The following PEX26 variants were observed in gnomAD, a reference collection of about 807,000 sequenced individuals.
PEX26 encodes peroxisomal biogenesis factor 26, also known as peroxisome assembly protein 26.
PEX26 carries 18 observed loss-of-function variants against 31.4 expected under a neutral mutation model. The ratio of observed to expected loss-of-function variants is 0.57; its 90% CI spans 0.40 to 0.85. The LOEUF (loss-of-function observed/expected upper bound fraction) is 0.85, where lower values mean the gene tolerates loss of function less well. PEX26 is among the 40% of genes least tolerant of loss of function. The pLI, the probability that PEX26 is intolerant of heterozygous loss-of-function variation, is 0.00. For missense variants in PEX26, 377 were observed against 383.9 expected (o/e 0.98, Z 0.15); for synonymous variants, 176 against 166.9 (o/e 1.05, Z -0.42).
intron 2 of PEX26, among the ~76,000 whole-genome samples, chr22:18,080,735 A>G (rs1926540459): frequency 1.3e-5 from 2 of 152,214 alleles, no homozygotes; most frequent in African/African-American, 4.8e-5. Flanking sequence ...AAATCAGGGT[A>G]GTTAGCATAT....
intron 1 of PEX26, chr22:18,078,853 A>G (rs1452442608): frequency 1.5e-6 from 1 of 680,230 alleles, no homozygotes; most frequent in African/African-American, 1.8e-5. Context: ...GTACAATGAC[A>G]TGATGGGAAG....
At chr22:18,079,740 A>T in intron 1 of PEX26, 134 bp from the exon 2 acceptor site, 1 of 1,026,154 alleles carries the variant, frequency 9.7e-7, no homozygotes. Context: ...TGTGAAGCCC[A>T]TCTAAATACT....
rs1049567901 is a variant in PEX26, at chr22:18,092,741, G to C, written c.*4666G>C. 7.1e-6 allele frequency: 1 copy of C among 141,332 alleles called. No homozygotes were observed. The highest frequency in any genetic ancestry group is 7.4e-5 in the Admixed American group (1 of 13,480). 8.8% of individuals were successfully genotyped at this position (141,332 alleles called of 1,614,324 possible). ...TCACACCTATAATCCCAGCACTTTG[G>C]GAGGCCAGAGTGGGAGGATTGCTTG... is the stretch of plus-strand genomic sequence containing the variant. On this transcript the variant is annotated 3_prime_UTR_variant, in exon 5 of 5. Coordinates refer to ENST00000399744, the MANE Select transcript of PEX26 (RefSeq NM_001127649.3).
At position 18,085,129 on chromosome 22, in the gene PEX26, T is replaced by C. The variant is rs1331262454; in HGVS notation, c.685T>C (p.Phe229Leu). 3 of 1,613,998 alleles carry C rather than the reference T, an allele frequency of 1.9e-6. No homozygotes were observed. In the Admixed American group the frequency reaches 5.0e-5, roughly 27 times the overall value. The change falls in exon 4 of 5, where the codon TTC becomes CTC. Residue 229 changes from phenylalanine (F) to leucine (L), a missense_variant. Phe to Leu is a conservative substitution (Grantham distance 22). Transcript: ENST00000399744. ...CTGGCCAGGCTCTGTCTCCCACAAG[T>C]TCCTGTCACTACCGATGTTGGTTCG... The part of the protein sequence containing the change: ...PNLEGSVSHK[F>L]LSLPMLVRQL...
At position 18,101,542 on chromosome 22, in the gene PEX26, T is replaced by C. The variant is rs1457585653; in HGVS notation, c.*13467T>C. 6.2e-6 allele frequency: 1 copy of C among 161,566 alleles called. No individual in the cohort carries two copies. Among genetic ancestry groups the C allele is most frequent in the African/African-American group, 2.4e-5 (1 of 41,656 alleles). 10.0% of individuals were successfully genotyped at this position (161,566 alleles called of 1,614,324 possible). ...GAGGCTGGAGCACTGCTGCAGAAAG[T>C]GATCTCTTACTCATACTTCAAGACA... On this transcript the variant is annotated 3_prime_UTR_variant, in exon 5 of 5. Coordinates refer to ENST00000399744, the MANE Select transcript of PEX26 (RefSeq NM_001127649.3).
chr22:18,087,837 C>T lies in PEX26; in HGVS notation c.815-135C>T, dbSNP rs192708791. The T allele has an allele frequency of 1.9e-4, 146 of 759,524 alleles. 2 individuals are homozygous for T. The Middle Eastern group carries it at 2.3e-3, about 12-fold the overall frequency. 47.0% of individuals were successfully genotyped at this position (759,524 alleles called of 1,614,324 possible). On this transcript the variant is annotated intron_variant, in intron 4 of 4. Transcript: ENST00000399744. ...CTGTACTCTAGCCTAGGTGACAGAG[C>T]GAGACCCTGTCTCTAAAAAAAACAA...
Position 18,093,719 on chromosome 22 carries a change from T to C in PEX26, c.*5644T>C, listed in dbSNP as rs1927200484. ...TTGTGTATCTAGCAACATTGCAGTA[T>C]GAAGAAAAGAGATGCCCCGGGTACG... On this transcript the variant is annotated 3_prime_UTR_variant, in exon 5 of 5. Transcript: ENST00000399744. 6.6e-6 allele frequency: 1 copy of C among 152,172 alleles called. No homozygotes were observed. The highest frequency in any genetic ancestry group is 2.1e-4 in the South Asian group (1 of 4,826). 9.4% of individuals were successfully genotyped at this position (152,172 alleles called of 1,614,324 possible). A position where few individuals can be genotyped will look rare whatever the true frequency, so the allele number is the denominator to read the frequency against.
At chr22:18,078,826 T>G in intron 1 of PEX26, 1 of 697,064 alleles carries the variant, frequency 1.4e-6, no homozygotes, top group Non-Finnish European at 2.6e-6. Context: ...AGCCAATTAT[T>G]TGCTCCTTGT....
In PEX26 at chr22:18,078,243, G is replaced by C. The variant is rs772042346; in HGVS notation, c.-134G>C. 2 of 741,930 alleles carry C rather than the reference G, an allele frequency of 2.7e-6. No individual in the cohort carries two copies. The highest frequency in any genetic ancestry group is 3.0e-5 in the South Asian group (2 of 67,524). 46.0% of individuals were successfully genotyped at this position (741,930 alleles called of 1,614,324 possible). ...CCTTCCTTTTCCTTCTCGGGGAATCGACCTCGGGAAGGGGTGTGGGCAAAG... is the reference window on the plus strand; with the variant it reads ...CCTTCCTTTTCCTTCTCGGGGAATCCACCTCGGGAAGGGGTGTGGGCAAAG... On this transcript the variant is annotated 5_prime_UTR_variant, in exon 1 of 5. Coordinates refer to ENST00000399744, the MANE Select transcript of PEX26 (RefSeq NM_001127649.3).
chr22:18,081,871 C>T (rs375350548), intron 2 of PEX26, among the ~76,000 whole-genome samples: 2 of 152,220 alleles, frequency 1.3e-5, no homozygotes, highest in East Asian at 1.9e-4. Context: ...TCCTCACCCG[C>T]ACCAACACTC....
intron 4 of PEX26, 121 bp from the exon 5 acceptor site, chr22:18,087,851 T>TAAAAAAAACA: frequency 1.3e-6 from 1 of 776,836 alleles, no homozygotes; most frequent in South Asian, 1.3e-5. Context: ...ACCCTGTCTC[T>TAAAAAAAACA]AAAAAAAACA....
rs1406114616 is a variant in PEX26, at chr22:18,095,695, T to C, written c.*7620T>C. The C allele has an allele frequency of 8.7e-6, 1 of 114,738 alleles. No homozygotes were observed. The highest frequency in any genetic ancestry group is 2.5e-4 in the East Asian group (1 of 3,924). 7.1% of individuals were successfully genotyped at this position (114,738 alleles called of 1,614,324 possible). A position where few individuals can be genotyped will look rare whatever the true frequency, so the allele number is the denominator to read the frequency against. ...ATTAATCCTCCCAGGAAACATATTT[T>C]GCAAAAGCCTTTTTTTTTTTTTTTT... On this transcript the variant is annotated 3_prime_UTR_variant, in exon 5 of 5. Transcript: ENST00000399744.
rs1294978103 is a variant in PEX26 at position 18,095,747 on chromosome 22, A to C, written c.*7672A>C. 6.7e-6 allele frequency: 1 copy of C among 149,572 alleles called. No homozygotes were observed. Among genetic ancestry groups the C allele is most frequent in the Non-Finnish European group, 1.5e-5 (1 of 67,740 alleles). 9.3% of individuals were successfully genotyped at this position (149,572 alleles called of 1,614,324 possible). ...GAGAAACAAGGCCTAACCCCAATGGAGTAATTTGCTGCGTAAATGAGAGAC... is the reference window on the plus strand; with the variant it reads ...GAGAAACAAGGCCTAACCCCAATGGCGTAATTTGCTGCGTAAATGAGAGAC... On this transcript the variant is annotated 3_prime_UTR_variant, in exon 5 of 5. Transcript: ENST00000399744.
chr22:18,088,460 A>AC lies in PEX26; in HGVS notation c.*388dup, dbSNP rs888734595. ...AGTTCAGAAAAAGCCTGGTGAAGTG[A>AC]CCCTTGGCCTTTCACTTCTTGAGAA... On this transcript the variant is annotated 3_prime_UTR_variant, in exon 5 of 5. Coordinates refer to ENST00000399744, the MANE Select transcript of PEX26 (RefSeq NM_001127649.3). This position sits in a 1 kb window ranked among gnomAD's most constrained non-coding sequence, Gnocchi z 4.1. 11 of 353,806 alleles carry AC rather than the reference A, an allele frequency of 3.1e-5. No individual in the cohort carries two copies. Among genetic ancestry groups the AC allele is most frequent in the African/African-American group, 2.3e-4 (11 of 47,358 alleles). 21.9% of individuals were successfully genotyped at this position (353,806 alleles called of 1,614,324 possible).
At chr22:18,080,843 AC>A (rs1442805442) in intron 2 of PEX26, among the ~76,000 whole-genome samples, 8 of 152,040 alleles carry the variant, frequency 5.3e-5, no homozygotes, top group Admixed American at 3.3e-4. Context: ...GTTAACCATA[AC>A]CACCCTACCG....
At position 18,092,055 on chromosome 22, in the gene PEX26, C is replaced by T. The variant is rs1209966357; in HGVS notation, c.*3980C>T. On this transcript the variant is annotated 3_prime_UTR_variant, in exon 5 of 5. Coordinates refer to ENST00000399744, the MANE Select transcript of PEX26 (RefSeq NM_001127649.3). ...ACATGAACCGCGAGTAGGGCACCTC[C>T]CTGTGCCGTCGTCTGCTTTCCTTCC... 6.6e-6 allele frequency: 1 copy of T among 152,286 alleles called. No homozygotes were observed. Among genetic ancestry groups the T allele is most frequent in the Non-Finnish European group, 1.5e-5 (1 of 68,098 alleles). 9.4% of individuals were successfully genotyped at this position (152,286 alleles called of 1,614,324 possible).
Position 18,088,406 on chromosome 22 carries a change from C to T in PEX26, c.*331C>T. 2.3e-6 allele frequency: 1 copy of T among 430,832 alleles called. No homozygotes were observed. The highest frequency in any genetic ancestry group is 4.4e-6 in the Non-Finnish European group (1 of 228,574). 26.7% of individuals were successfully genotyped at this position (430,832 alleles called of 1,614,324 possible). The stretch of plus-strand genomic sequence containing the variant: ...TCTTGGTGAAGGCAAGGGGTTGGTT[C>T]TTCAGGTCAGGATGTTAATGGAGCT... On this transcript the variant is annotated 3_prime_UTR_variant, in exon 5 of 5. Coordinates refer to ENST00000399744, the MANE Select transcript of PEX26 (RefSeq NM_001127649.3). The surrounding 1 kb of genome is among the most constrained non-coding windows in gnomAD (Gnocchi z 4.1).
chr22:18,086,587 C>T (rs1054673269), intron 4 of PEX26, among the ~76,000 whole-genome samples: 6 of 152,208 alleles, frequency 3.9e-5, no homozygotes, highest in African/African-American at 1.4e-4. Flanking sequence ...GGAACAACCC[C>T]AGTTATTTCC....
chr22:18,083,940 G>A (rs1204662936), intron 3 of PEX26, among the ~76,000 whole-genome samples: 1 of 152,236 alleles, frequency 6.6e-6, no homozygotes, highest in Non-Finnish European at 1.5e-5. Flanking sequence ...TCTCCACATG[G>A]GAAGGTGTTG....
Sources: allele counts gnomAD v4.1 joint callset (sites outside exome capture counted in the v4.1 genomes callset), GRCh38; gene constraint gnomAD v4.1.1; non-coding constraint Gnocchi (gnomAD v3.1); transcripts MANE v1.5; gene names NCBI Gene and HGNC (gene_info 2026-07-23, HGNC 2026-07-21).